DNAJC6: variants seen among roughly 807,000 people sequenced by gnomAD.
The protein encoded by DNAJC6 is auxilin.
Under a neutral mutation model 110.0 loss-of-function variants are expected in DNAJC6, and 34 were observed. The observed-to-expected ratio is 0.31, with a 90% CI of 0.24 to 0.41. DNAJC6 has a LOEUF of 0.41. Ranked by LOEUF, DNAJC6 falls within the 10% of genes least tolerant of loss-of-function variation. The pLI is 1.00. For missense variants in DNAJC6, 1,031 were observed against 1,207.8 expected (o/e 0.85, Z 2.17); for synonymous variants, 406 against 437.2 (o/e 0.93, Z 0.89).
chr1:65,375,948 GT>G (rs1397707925), intron 4 of DNAJC6, among the ~76,000 whole-genome samples: 1 of 152,148 alleles, frequency 6.6e-6, no homozygotes, highest in Admixed American at 6.5e-5. Flanking sequence ...TTAAAAAATA[GT>G]TTGAGTAGGA....
In DNAJC6 at chr1:65,384,266, C is replaced by A; in HGVS notation, c.740C>A (p.Pro247Gln). 1 of 1,588,842 alleles carries A rather than the reference C, an allele frequency of 6.3e-7. No individual in the cohort carries two copies. Among genetic ancestry groups the A allele is most frequent in the South Asian group, 1.2e-5 (1 of 86,646 alleles). ...IFCNLYSTPG[P>Q]AIRLLYAKRP... ...TGTAATCTCTACTCTACTCCTGGCC[C>A]AGCCATTCGATTGCTATATGCAAAG... Residue 247 changes from proline to glutamine, a missense_variant, in exon 6 of 19, where the codon CCA (proline) becomes CAA (glutamine). Physicochemically the swap from Pro to Gln is moderately conservative, Grantham distance 76 (BLOSUM62 -1). Transcript: ENST00000371069.
intron 1 of DNAJC6, among the ~76,000 whole-genome samples, chr1:65,319,613 A>G (rs1645179302): frequency 6.6e-6 from 1 of 151,722 alleles, no homozygotes; most frequent in South Asian, 2.1e-4. Context: ...TTTTTTCAGA[A>G]TTCTCTGGAA....
intron 1 of DNAJC6, among the ~76,000 whole-genome samples, chr1:65,301,540 C>T (rs1466396309): frequency 6.6e-6 from 1 of 152,084 alleles, no homozygotes. Flanking sequence ...CCCATGATCC[C>T]CTCTTTGGGT....
At chr1:65,372,327 T>C (rs544913009) in intron 4 of DNAJC6, among the ~76,000 whole-genome samples, 3 of 152,220 alleles carry the variant, frequency 2.0e-5, no homozygotes, top group African/African-American at 7.2e-5. Flanking sequence ...TGTGGACAAA[T>C]CTTATTATAA....
chr1:65,379,705 T>C, intron 5 of DNAJC6, 181 bp downstream of exon 5: 1 of 888,264 alleles, frequency 1.1e-6, no homozygotes, highest in Non-Finnish European at 1.7e-6. Flanking sequence ...GACTTAAAGC[T>C]TGACTACTAG....
chr1:65,365,866 A>G lies in DNAJC6; in HGVS notation c.345-19A>G, dbSNP rs767911674. ...ATTTGGATCATTTTAATGAGTGCCC[A>G]TTTTTGTCTTGCTTTTAGCTACACA... On this transcript the variant is annotated intron_variant, in intron 2 of 18. Transcript: ENST00000371069. The G allele has an allele frequency of 6.2e-7, 1 of 1,610,610 alleles. No homozygotes were observed. The highest frequency in any genetic ancestry group is 1.1e-5 in the South Asian group (1 of 90,568).
chr1:65,372,146 G>GGTGTGTGTGTGT (rs59816601), intron 4 of DNAJC6, among the ~76,000 whole-genome samples: 4 of 140,998 alleles, frequency 2.8e-5, no homozygotes, highest in African/African-American at 7.8e-5. Flanking sequence ...TGACATTTGG[G>GGTGTGTGTGTGT]GTGTGTGTGT....
chr1:65,368,075 AAAAT>A lies in DNAJC6; in HGVS notation c.543+1885_543+1888del, dbSNP rs1645666891. On this transcript the variant is annotated intron_variant, in intron 4 of 18. Transcript: ENST00000371069. The stretch of plus-strand genomic sequence containing the variant: ...AAGAATTGTTAAACACTATAGATAT[AAAAT>A]AAATATTTGGTTTTTGTTCTCAAGA... Among the ~76,000 whole-genome samples, 3 of 152,356 alleles carry A rather than the reference AAAAT, an allele frequency of 2.0e-5. No individual in the cohort carries two copies. The South Asian group carries it at 6.2e-4, about 32-fold the overall frequency.
intron 1 of DNAJC6, among the ~76,000 whole-genome samples, chr1:65,312,224 A>G (rs1162342423): frequency 6.6e-6 from 1 of 152,152 alleles, no homozygotes; most frequent in African/African-American, 2.4e-5. Flanking sequence ...ATTCACTCCT[A>G]TATTTTATTA....
At chr1:65,316,982 C>T (rs956537073) in intron 1 of DNAJC6, among the ~76,000 whole-genome samples, 1 of 151,664 alleles carries the variant, frequency 6.6e-6, no homozygotes, top group Non-Finnish European at 1.5e-5. Flanking sequence ...TTTTAATGAA[C>T]TGACAATAGA....
chr1:65,291,123 C>T (rs1644871490), intron 1 of DNAJC6, among the ~76,000 whole-genome samples: 1 of 152,194 alleles, frequency 6.6e-6, no homozygotes, highest in Non-Finnish European at 1.5e-5. Context: ...ACGACCGCCT[C>T]CTGGGTTCAA....
At chr1:65,281,244 A>G (rs759928342) in intron 1 of DNAJC6, among the ~76,000 whole-genome samples, 9 of 152,166 alleles carry the variant, frequency 5.9e-5, no homozygotes. Context: ...CAAATTTTAA[A>G]TGAAATCTCA....
At chr1:65,342,101 G>C (rs1050511356) in intron 1 of DNAJC6, among the ~76,000 whole-genome samples, 1 of 152,130 alleles carries the variant, frequency 6.6e-6, no homozygotes, top group Non-Finnish European at 1.5e-5. Flanking sequence ...GGGTTTGACT[G>C]TTTCCTTTTA....
At chr1:65,313,292 C>A (rs1645119497) in intron 1 of DNAJC6, among the ~76,000 whole-genome samples, 2 of 151,440 alleles carry the variant, frequency 1.3e-5, no homozygotes, top group South Asian at 4.2e-4. Flanking sequence ...AACTCCTGGG[C>A]TCAAGCGATC....
intron 1 of DNAJC6, among the ~76,000 whole-genome samples, chr1:65,280,139 G>C (rs1047673212): frequency 9.9e-5 from 15 of 152,182 alleles, no homozygotes; most frequent in Non-Finnish European, 1.5e-4. Context: ...GGTACTCAGT[G>C]TAACATAATT....
At chr1:65,345,494 C>A in intron 1 of DNAJC6, 1 of 196,766 alleles carries the variant, frequency 5.1e-6, no homozygotes, top group Non-Finnish European at 9.2e-6. Flanking sequence ...ACACAGATAG[C>A]AAGGAAGGAG....
chr1:65,388,328 A>G lies in DNAJC6; in HGVS notation c.1114-8A>G. 1 of 1,612,594 alleles carries G rather than the reference A, an allele frequency of 6.2e-7. No homozygotes were observed. Among genetic ancestry groups the G allele is most frequent in the Non-Finnish European group, 8.5e-7 (1 of 1,178,804 alleles). ...TGATTGTAATGTGCTTCTCTCATGT[A>G]TTTTTAGGTGACCAACACACAGATA... On this transcript the variant is annotated splice_region_variant and splice_polypyrimidine_tract_variant and intron_variant, in intron 8 of 18. Transcript: ENST00000371069.
At chr1:65,364,592 C>T (rs776932867) in intron 1 of DNAJC6, 43 bp from the exon 2 acceptor site, 12 of 1,575,242 alleles carry the variant, frequency 7.6e-6, no homozygotes, top group Non-Finnish European at 9.4e-6. Flanking sequence ...GGATTCTCTG[C>T]CATCACCATT....
At chr1:65,272,151 C>G (rs950596208) in intron 1 of DNAJC6, among the ~76,000 whole-genome samples, 2 of 152,152 alleles carry the variant, frequency 1.3e-5, no homozygotes, top group South Asian at 4.1e-4. Context: ...AGGGGAAAAG[C>G]TATCACATTT....
Sources: gnomAD v4.1 joint callset for allele counts (sites outside exome capture counted in the v4.1 genomes callset) on GRCh38, gnomAD v4.1.1 for gene constraint, MANE v1.5 for transcripts, NCBI Gene and HGNC (gene_info 2026-07-23, HGNC 2026-07-21) for gene names.